Variants in NR6A1 observed in about 807,000 individuals in gnomAD.
NR6A1 encodes nuclear receptor subfamily 6 group A member 1, also known as retinoic acid receptor-related testis-associated receptor.
In NR6A1, 7 loss-of-function variants were observed where a neutral mutation model predicts 59.1. The observed-to-expected ratio is 0.12, with a 90% CI of 0.07 to 0.22. NR6A1 has a LOEUF of 0.22. Ranked by LOEUF, NR6A1 falls within the 10% of genes least tolerant of loss-of-function variation. The pLI, the probability that NR6A1 is intolerant of heterozygous loss-of-function variation, is 1.00. For missense variants in NR6A1, 468 were observed against 611.6 expected, an observed-to-expected ratio of 0.77 and a Z score of 2.48; for synonymous variants, 243 against 236.1, an observed-to-expected ratio of 1.03 and a Z score of -0.27.
At chr9:124,762,110 T>C (rs1840798622) in intron 1 of NR6A1, among the ~76,000 whole-genome samples, 1 of 152,220 alleles carries the variant, frequency 6.6e-6, no homozygotes, top group African/African-American at 2.4e-5. Flanking sequence ...ATTTCGTTAG[T>C]TCATTTAGAC....
At chr9:124,710,313 TTC>T (rs1839239232) in intron 2 of NR6A1, among the ~76,000 whole-genome samples, 1 of 152,206 alleles carries the variant, frequency 6.6e-6, no homozygotes, top group South Asian at 2.1e-4. Context: ...CAAATAATAA[TTC>T]TGTCAACAGA....
At chr9:124,528,692 CCT>C (rs1833012312) in intron 7 of NR6A1, among the ~76,000 whole-genome samples, 1 of 151,256 alleles carries the variant, frequency 6.6e-6, no homozygotes, top group African/African-American at 2.4e-5. Flanking sequence ...AGAGTGAGAC[CCT>C]GTCTCAGAAA....
chr9:124,723,216 C>T (rs1839613594), intron 2 of NR6A1, among the ~76,000 whole-genome samples: 2 of 152,050 alleles, frequency 1.3e-5, no homozygotes, highest in Admixed American at 6.6e-5. Context: ...ATTCTACAAA[C>T]TTTTTCTTCA....
intron 2 of NR6A1, among the ~76,000 whole-genome samples, chr9:124,659,494 T>G (rs532428650): frequency 6.6e-6 from 1 of 151,952 alleles, no homozygotes; most frequent in Non-Finnish European, 1.5e-5. Context: ...GGAACTGGAG[T>G]GGGCAAGGGG....
At chr9:124,668,244 T>C (rs1413694053) in intron 2 of NR6A1, among the ~76,000 whole-genome samples, 1 of 152,144 alleles carries the variant, frequency 6.6e-6, no homozygotes, top group East Asian at 1.9e-4. Context: ...AAGTATATTG[T>C]CACAAAGGCC....
Position 124,689,513 on chromosome 9 carries a change from A to G in NR6A1, c.142+43795T>C, listed in dbSNP as rs1469525639. ...TTCTCGCACATATGAAACAAAAGCA[A>G]TGGGAGACAAGAGAAGCAATTACAT... is the stretch of plus-strand genomic sequence containing the variant. On this transcript the variant is annotated intron_variant, in intron 2 of 9. Coordinates refer to ENST00000487099, the MANE Select transcript of NR6A1 (RefSeq NM_033334.4). 2.0e-5 allele frequency among the ~76,000 whole-genome samples: 3 copies of G among 152,330 alleles called. No individual in the cohort carries two copies. The East Asian group carries it at 5.8e-4, about 29-fold the overall frequency.
At chr9:124,635,050 TA>T (rs1778308063) in intron 2 of NR6A1, among the ~76,000 whole-genome samples, 1 of 152,182 alleles carries the variant, frequency 6.6e-6, no homozygotes, top group Admixed American at 6.5e-5. Flanking sequence ...TTGGGTGTTG[TA>T]TATTAAATGG....
chr9:124,528,434 C>CT (rs1160361414), intron 7 of NR6A1, among the ~76,000 whole-genome samples: 1 of 152,140 alleles, frequency 6.6e-6, no homozygotes, highest in East Asian at 1.9e-4. Flanking sequence ...GGTGTGGTGG[C>CT]TCACACCTGT....
intron 2 of NR6A1, among the ~76,000 whole-genome samples, chr9:124,657,252 T>C (rs1837288261): frequency 6.6e-6 from 1 of 152,174 alleles, no homozygotes; most frequent in South Asian, 2.1e-4. Context: ...CTGCATAATA[T>C]AGTCAACATC....
At chr9:124,575,510 G>T (rs1834563100) in intron 2 of NR6A1, among the ~76,000 whole-genome samples, 1 of 151,248 alleles carries the variant, frequency 6.6e-6, no homozygotes, top group South Asian at 2.1e-4. Context: ...GGAGGCAGAG[G>T]TTTCAATGAG....
intron 2 of NR6A1, among the ~76,000 whole-genome samples, chr9:124,717,631 G>C (rs1327522404): frequency 2.0e-5 from 3 of 152,218 alleles, no homozygotes; most frequent in African/African-American, 7.2e-5. Flanking sequence ...TATCTTGATA[G>C]AATGTGGATT....
chr9:124,540,558 C>T (rs1017958878), intron 4 of NR6A1, among the ~76,000 whole-genome samples: 1 of 152,180 alleles, frequency 6.6e-6, no homozygotes, highest in Non-Finnish European at 1.5e-5. Flanking sequence ...CATGGTGGCT[C>T]ATGCCTGTAA....
At chr9:124,767,769 A>C (rs975814581) in intron 1 of NR6A1, among the ~76,000 whole-genome samples, 2 of 152,218 alleles carry the variant, frequency 1.3e-5, no homozygotes, top group African/African-American at 4.8e-5. Flanking sequence ...TATTCAGTGA[A>C]CTTCTCCCCA....
intron 3 of NR6A1, among the ~76,000 whole-genome samples, chr9:124,545,626 C>T (rs1414476833): frequency 2.0e-5 from 3 of 152,198 alleles, no homozygotes; most frequent in African/African-American, 4.8e-5. Flanking sequence ...TAACATCTCA[C>T]ATGTCTTTAT....
rs1406235324 is a variant in NR6A1, at chr9:124,628,017, T to A, written c.143-73447A>T. The stretch of plus-strand genomic sequence containing the variant: ...AAGGGGACTTTGTTTGGCCTTTGCT[T>A]TTGTTGTTGTTATTGTTGTTGTTGT... On this transcript the variant is annotated intron_variant, in intron 2 of 9. Transcript: ENST00000487099. 2.0e-5 allele frequency among the ~76,000 whole-genome samples: 3 copies of A among 151,558 alleles called. No individual in the cohort carries two copies. The East Asian group carries it at 5.9e-4, about 30-fold the overall frequency.
At chr9:124,710,403 A>C (rs1278887430) in intron 2 of NR6A1, among the ~76,000 whole-genome samples, 4 of 152,228 alleles carry the variant, frequency 2.6e-5, no homozygotes, top group Non-Finnish European at 1.5e-5. Flanking sequence ...AAACACACAC[A>C]CACACATACA....
intron 2 of NR6A1, among the ~76,000 whole-genome samples, chr9:124,723,232 C>T (rs1221528346): frequency 6.6e-6 from 1 of 152,056 alleles, no homozygotes; most frequent in Non-Finnish European, 1.5e-5. Flanking sequence ...CTTCAGTATG[C>T]TTTCTGTAAG....
intron 7 of NR6A1, among the ~76,000 whole-genome samples, chr9:124,533,916 T>G (rs951440847): frequency 9.2e-5 from 14 of 151,722 alleles, no homozygotes; most frequent in African/African-American, 3.1e-4. Context: ...CTCAAAGTGA[T>G]GGGATTACAG....
At chr9:124,610,531 T>C (rs1835708327) in intron 2 of NR6A1, among the ~76,000 whole-genome samples, 1 of 152,250 alleles carries the variant, frequency 6.6e-6, no homozygotes, top group Non-Finnish European at 1.5e-5. Flanking sequence ...TTTGCATTGA[T>C]GTTCATCAGG....
Sources: allele counts gnomAD v4.1 joint callset (sites outside exome capture counted in the v4.1 genomes callset), GRCh38; gene constraint gnomAD v4.1.1; transcripts MANE v1.5; gene names NCBI Gene and HGNC (gene_info 2026-07-23, HGNC 2026-07-21).